The following HDAC9 variants were observed in gnomAD, a reference collection of about 807,000 sequenced individuals.
HDAC9 encodes the protein MEF-2 interacting transcription repressor (MITR) protein.
In HDAC9, 41 loss-of-function variants were observed where a neutral mutation model predicts 139.4. The observed-to-expected ratio is 0.29, with a 90% CI of 0.23 to 0.38. The LOEUF is 0.38. Ranked by LOEUF, HDAC9 falls within the 10% of genes least tolerant of loss-of-function variation. The pLI is 1.00. For missense variants in HDAC9, 1,147 were observed against 1,297.0 expected, an observed-to-expected ratio of 0.88 and a Z score of 1.78; for synonymous variants, 517 against 476.2, an observed-to-expected ratio of 1.09 and a Z score of -1.12.
intron 1 of HDAC9, among the ~76,000 whole-genome samples, chr7:18,347,219 A>G (rs992964509): frequency 6.6e-6 from 1 of 152,202 alleles, no homozygotes; most frequent in African/African-American, 2.4e-5. Flanking sequence ...ATATGTAGCT[A>G]TGTGTATTTT....
At chr7:18,840,286 T>A (rs999382250) in intron 21 of HDAC9, among the ~76,000 whole-genome samples, 1 of 152,046 alleles carries the variant, frequency 6.6e-6, no homozygotes, top group Non-Finnish European at 1.5e-5. Context: ...CATGTCAGTA[T>A]GTTGTAGTAT....
chr7:18,163,464 G>T (rs147112825), intron 2 of HDAC9, among the ~76,000 whole-genome samples: 1 of 152,292 alleles, frequency 6.6e-6, no homozygotes, highest in Non-Finnish European at 1.5e-5. Context: ...GTTAAAACAA[G>T]CCCTATTCTC....
At chr7:18,787,856 T>C (rs779470517) in intron 16 of HDAC9, among the ~76,000 whole-genome samples, 22 of 152,208 alleles carry the variant, frequency 1.4e-4, no homozygotes, top group Non-Finnish European at 2.6e-4. Context: ...TCTCCATAAT[T>C]AATAATCTAT....
At chr7:18,641,437 G>C (rs1785568615) in intron 8 of HDAC9, among the ~76,000 whole-genome samples, 1 of 151,946 alleles carries the variant, frequency 6.6e-6, no homozygotes, top group African/African-American at 2.4e-5. Flanking sequence ...ACTACCATGT[G>C]AATTGGTGTT....
chr7:18,921,184 A>G (rs1054987055), intron 22 of HDAC9, among the ~76,000 whole-genome samples: 1 of 152,196 alleles, frequency 6.6e-6, no homozygotes. Flanking sequence ...CAAGGACTTC[A>G]TGTCTAAAAC....
intron 1 of HDAC9, among the ~76,000 whole-genome samples, chr7:18,385,980 G>A (rs376783168): frequency 5.9e-4 from 89 of 150,552 alleles, no homozygotes; most frequent in African/African-American, 2.0e-3. Context: ...AATGTTTAAC[G>A]CACTCTTTGT....
intron 2 of HDAC9, among the ~76,000 whole-genome samples, chr7:18,177,315 T>C (rs1788998590): frequency 6.6e-6 from 1 of 152,190 alleles, no homozygotes; most frequent in Non-Finnish European, 1.5e-5. Flanking sequence ...GATTAGCAAG[T>C]CTGTTGTCTA....
chr7:18,570,410 A>G (rs1823891844), intron 2 of HDAC9, among the ~76,000 whole-genome samples: 1 of 152,232 alleles, frequency 6.6e-6, no homozygotes, highest in South Asian at 2.1e-4. Context: ...TGTGGAATAT[A>G]TTGACAATTA....
chr7:18,287,341 C>T (rs1172200811), upstream of HDAC9, among the ~76,000 whole-genome samples: 5 of 152,072 alleles, frequency 3.3e-5, no homozygotes, highest in Admixed American at 6.5e-5. Flanking sequence ...CCAGTTTATT[C>T]TATATAATTC....
At chr7:18,411,321 A>G (rs79961939) in intron 1 of HDAC9, among the ~76,000 whole-genome samples, 3,852 of 152,272 alleles carry the variant, frequency 0.025, 144 homozygotes, top group African/African-American at 0.086. Context: ...CAAATACACA[A>G]TCATTCTGTG....
intron 2 of HDAC9, among the ~76,000 whole-genome samples, chr7:18,546,217 A>C (rs1814768964): frequency 6.6e-6 from 1 of 152,182 alleles, no homozygotes; most frequent in Non-Finnish European, 1.5e-5. Flanking sequence ...GTTTTTGAAA[A>C]AAATCTTTTC....
chr7:18,492,398 A>T (rs1270977672), upstream of HDAC9, among the ~76,000 whole-genome samples: 2 of 151,820 alleles, frequency 1.3e-5, no homozygotes, highest in African/African-American at 4.8e-5. Flanking sequence ...TTTTTTGCTT[A>T]TATGTCTGCA....
At chr7:18,138,386 T>A (rs943904324) in intron 1 of HDAC9, among the ~76,000 whole-genome samples, 1 of 152,024 alleles carries the variant, frequency 6.6e-6, no homozygotes, top group African/African-American at 2.4e-5. Context: ...CAGAATGAGA[T>A]CTAGATTGCA....
intron 17 of HDAC9, among the ~76,000 whole-genome samples, chr7:18,795,560 T>G (rs994979095): frequency 5.3e-5 from 8 of 152,350 alleles, no homozygotes; most frequent in Middle Eastern, 3.4e-3. Context: ...TTCCAGATTG[T>G]GCAGCTGGGT....
chr7:18,613,526 C>G (rs1837745170), intron 6 of HDAC9, among the ~76,000 whole-genome samples: 1 of 152,220 alleles, frequency 6.6e-6, no homozygotes, highest in Middle Eastern at 3.4e-3. Flanking sequence ...CACTCAAAAT[C>G]TATCCCTCTC....
chr7:18,686,733 A>G (rs1782303592), intron 12 of HDAC9, among the ~76,000 whole-genome samples: 1 of 151,816 alleles, frequency 6.6e-6, no homozygotes, highest in Non-Finnish European at 1.5e-5. Flanking sequence ...GTCAACATTT[A>G]TACAAAACTT....
At chr7:18,897,236 AAC>A (rs1257586658) in intron 22 of HDAC9, among the ~76,000 whole-genome samples, 1 of 152,008 alleles carries the variant, frequency 6.6e-6, no homozygotes, top group Non-Finnish European at 1.5e-5. Context: ...AATTATTTGT[AAC>A]AGAGTGTGGT....
At chr7:18,232,451 T>G (rs905436391) in intron 2 of HDAC9, among the ~76,000 whole-genome samples, 1 of 152,222 alleles carries the variant, frequency 6.6e-6, no homozygotes, top group African/African-American at 2.4e-5. Context: ...GTTCTGTCTT[T>G]TCTGTAAAAC....
intron 21 of HDAC9, among the ~76,000 whole-genome samples, chr7:18,841,900 G>A (rs1431812956): frequency 6.6e-6 from 1 of 151,846 alleles, no homozygotes; most frequent in Non-Finnish European, 1.5e-5. Flanking sequence ...TAATTACAAC[G>A]GGGATATAAA....
Sources: gnomAD v4.1 joint callset for allele counts (sites outside exome capture counted in the v4.1 genomes callset) on GRCh38, gnomAD v4.1.1 for gene constraint, MANE v1.5 for transcripts, NCBI Gene and HGNC (gene_info 2026-07-23, HGNC 2026-07-21) for gene names.